Variants in DYNC2LI1 observed in about 807,000 individuals in gnomAD.
The protein encoded by DYNC2LI1 is cytoplasmic dynein 2 light intermediate chain 1.
DYNC2LI1 carries 45 observed loss-of-function variants against 51.9 expected under a neutral mutation model. That is an observed-to-expected ratio of 0.87 (90% CI 0.68 to 1.11). The LOEUF is 1.11. DYNC2LI1 is among the 50% of genes most tolerant of loss of function. The probability of loss-of-function intolerance (pLI) is 0.00; values close to 1 mark genes in which losing one functional copy is unlikely to be tolerated. For missense variants in DYNC2LI1, 490 were observed against 417.4 expected, an observed-to-expected ratio of 1.17 and a Z score of -1.51; for synonymous variants, 130 against 137.8, an observed-to-expected ratio of 0.94 and a Z score of 0.40.
At chr2:43,816,816 T>G in the DYNC2LI1 span, among the ~76,000 whole-genome samples, 1 of 152,348 alleles carries the variant, frequency 6.6e-6, no homozygotes, top group Admixed American at 6.5e-5. Context: ...TAGCAAGAAC[T>G]ACAACAAAAT....
chr2:43,785,602 C>T (rs1673488941), intron 3 of DYNC2LI1, among the ~76,000 whole-genome samples: 2 of 151,854 alleles, frequency 1.3e-5, no homozygotes, highest in African/African-American at 4.8e-5. Context: ...AGCGTGGTGG[C>T]GGGCCCCTGT....
intron 6 of DYNC2LI1, 77 bp from the exon 7 acceptor site, chr2:43,795,813 T>C: frequency 9.0e-7 from 1 of 1,107,614 alleles, no homozygotes; most frequent in Non-Finnish European, 1.4e-6. Context: ...ATGGAATGTT[T>C]TTGGAAGTAA....
the DYNC2LI1 span, among the ~76,000 whole-genome samples, chr2:43,825,593 G>A: frequency 6.6e-6 from 1 of 151,064 alleles, no homozygotes; most frequent in African/African-American, 2.4e-5. Context: ...TTAATTTGTT[G>A]TTGTTTTGTT....
the DYNC2LI1 span, among the ~76,000 whole-genome samples, chr2:43,817,542 C>G: frequency 6.6e-6 from 1 of 151,734 alleles, no homozygotes; most frequent in East Asian, 1.9e-4. Flanking sequence ...TTCCTAAAAC[C>G]CTAATACAAA....
Position 43,774,053 on chromosome 2 carries a change from C to G in DYNC2LI1, c.-86C>G. 6.3e-7 allele frequency: 1 copy of G among 1,589,932 alleles called. No homozygotes were observed. Among genetic ancestry groups the G allele is most frequent in the Non-Finnish European group, 8.6e-7 (1 of 1,167,758 alleles). ...CATGGCAACCCAGAAGGCCTCACTCCCAGACTCCTTGCGGAGCTCGCCGCC... is the reference window on the plus strand; with the variant it reads ...CATGGCAACCCAGAAGGCCTCACTCGCAGACTCCTTGCGGAGCTCGCCGCC... On this transcript the variant is annotated 5_prime_UTR_variant, in exon 1 of 13. Coordinates refer to ENST00000260605, the MANE Select transcript of DYNC2LI1 (RefSeq NM_016008.4).
intron 1 of DYNC2LI1, among the ~76,000 whole-genome samples, chr2:43,774,382 C>T (rs1335322089): frequency 1.3e-5 from 2 of 152,188 alleles, no homozygotes; most frequent in African/African-American, 4.8e-5. Context: ...CAACTCCACC[C>T]ATTCAATGAT....
downstream of DYNC2LI1, chr2:43,813,337 G>C (rs758427977): frequency 3.3e-6 from 5 of 1,527,134 alleles, no homozygotes; most frequent in East Asian, 9.0e-5. Context: ...GACAGTGTCA[G>C]GTGTGGTTTA....
intron 3 of DYNC2LI1, among the ~76,000 whole-genome samples, chr2:43,785,236 C>T (rs1673472109): frequency 6.6e-6 from 1 of 152,082 alleles, no homozygotes; most frequent in South Asian, 2.1e-4. Context: ...GAGGTTGAGG[C>T]TGCAGTGAGC....
chr2:43,800,756 G>A, intron 8 of DYNC2LI1, 85 bp from the exon 9 acceptor site: 1 of 671,408 alleles, frequency 1.5e-6, no homozygotes, highest in Non-Finnish European at 2.5e-6. Flanking sequence ...TTTGTAATCT[G>A]TATTTGTTCA....
At chr2:43,813,250 A>T, downstream of DYNC2LI1, 1 of 1,614,072 alleles carries the variant, frequency 6.2e-7, no homozygotes, top group Non-Finnish European at 8.5e-7. Context: ...TTCTCAATGA[A>T]TTGAATTCCT....
intron 12 of DYNC2LI1, among the ~76,000 whole-genome samples, chr2:43,808,912 T>C (rs1298425107): frequency 6.6e-6 from 1 of 151,966 alleles, no homozygotes; most frequent in Non-Finnish European, 1.5e-5. Context: ...TGTGCATTGC[T>C]CTATTGTTAT....
rs201390479 is a variant in DYNC2LI1 at position 43,774,134 on chromosome 2, C to A, written c.-5C>A. ...GTGACGTTTGCGGCAGCCAGGCCGT[C>A]GACGATGCCCAGGTATTCCCTGAAC... On this transcript the variant is annotated 5_prime_UTR_variant, in exon 1 of 13. Transcript: ENST00000260605. 4 of 1,613,852 alleles carry A rather than the reference C, an allele frequency of 2.5e-6. No individual in the cohort carries two copies. Among genetic ancestry groups the A allele is most frequent in the Admixed American group, 3.3e-5 (2 of 60,010 alleles).
intron 5 of DYNC2LI1, 127 bp downstream of exon 5, chr2:43,789,848 C>G: frequency 1.5e-6 from 1 of 687,924 alleles, no homozygotes. Flanking sequence ...ATGCCCACTT[C>G]CTTTCTAAAT....
intron 5 of DYNC2LI1, among the ~76,000 whole-genome samples, chr2:43,791,990 G>C (rs1673814877): frequency 6.6e-6 from 1 of 151,632 alleles, no homozygotes; most frequent in Non-Finnish European, 1.5e-5. Context: ...TTTTTCTTTT[G>C]CTTAGAATAA....
intron 8 of DYNC2LI1, among the ~76,000 whole-genome samples, chr2:43,798,007 G>A (rs1406606531): frequency 6.6e-6 from 1 of 152,002 alleles, no homozygotes; most frequent in East Asian, 1.9e-4. Flanking sequence ...CACACCAGTT[G>A]TCTCAGCTAC....
At chr2:43,818,689 C>T in the DYNC2LI1 span, among the ~76,000 whole-genome samples, 7 of 152,148 alleles carry the variant, frequency 4.6e-5, no homozygotes, top group Admixed American at 2.0e-4. Flanking sequence ...TTAAGCAACA[C>T]GGACAAATAC....
At chr2:43,802,675 A>G (rs1472316171) in intron 10 of DYNC2LI1, among the ~76,000 whole-genome samples, 1 of 152,164 alleles carries the variant, frequency 6.6e-6, no homozygotes, top group Non-Finnish European at 1.5e-5. Context: ...TTTAAAAATC[A>G]TGGCGCCTAG....
At chr2:43,812,894 A>G (rs896210097), downstream of DYNC2LI1, 6 of 557,188 alleles carry the variant, frequency 1.1e-5, no homozygotes, top group Non-Finnish European at 1.9e-5. Flanking sequence ...ACAATTTCCA[A>G]ATAACCACAT....
At chr2:43,828,169 A>G in the DYNC2LI1 span, 1 of 1,611,786 alleles carries the variant, frequency 6.2e-7, no homozygotes, top group Non-Finnish European at 8.5e-7. Context: ...CTGCTATTTC[A>G]ATTCATGGGC....
Sources: allele counts gnomAD v4.1 joint callset (sites outside exome capture counted in the v4.1 genomes callset), GRCh38; gene constraint gnomAD v4.1.1; transcripts MANE v1.5; gene names NCBI Gene and HGNC (gene_info 2026-07-23, HGNC 2026-07-21).